Variants in OLR1 observed in about 807,000 individuals in gnomAD.
OLR1 encodes the protein oxidized low density lipoprotein receptor 1.
In OLR1, 23 loss-of-function variants were observed where a neutral mutation model predicts 31.7. The observed-to-expected ratio is 0.72, with a 90% confidence interval of 0.52 to 1.03. The LOEUF is 1.03. OLR1 is among the 50% of genes least tolerant of loss of function. The pLI is 0.00. For missense variants in OLR1, 286 were observed against 315.7 expected, an observed-to-expected ratio of 0.91 and a Z score of 0.71; for synonymous variants, 117 against 115.8, an observed-to-expected ratio of 1.01 and a Z score of -0.07.
upstream of OLR1, chr12:10,172,157 G>A (rs1948727698): frequency 5.5e-6 from 5 of 911,196 alleles, no homozygotes; most frequent in South Asian, 6.7e-5. Context: ...TTCTGCAGAA[G>A]TATTTAAATA....
upstream of OLR1, among the ~76,000 whole-genome samples, chr12:10,175,996 C>T (rs1948762881): frequency 6.6e-6 from 1 of 152,224 alleles, no homozygotes; most frequent in Admixed American, 6.5e-5. Context: ...TATGTACATG[C>T]ACCCTCTACT....
At chr12:10,169,215 G>A in intron 1 of OLR1, 40 bp from the exon 2 acceptor site, 1 of 1,462,538 alleles carries the variant, frequency 6.8e-7, no homozygotes, top group Non-Finnish European at 9.5e-7. Context: ...ACAAAAAAGA[G>A]TGAACAAGTA....
chr12:10,160,198 A>T (rs1395218020), intron 5 of OLR1, 149 bp downstream of exon 5: 3 of 885,188 alleles, frequency 3.4e-6, no homozygotes, highest in African/African-American at 1.7e-5. Flanking sequence ...TTTGTGAAAG[A>T]GGTAAGGAAG....
intron 5 of OLR1, 31 bp downstream of exon 5, chr12:10,160,316 A>T: frequency 2.6e-6 from 4 of 1,530,220 alleles, no homozygotes; most frequent in Non-Finnish European, 3.6e-6. Flanking sequence ...GAAACTGACG[A>T]GAGAGGCATC....
At chr12:10,170,497 T>TTG (rs1591984294) in intron 1 of OLR1, 1 of 149,282 alleles carries the variant, frequency 6.7e-6, no homozygotes, top group African/African-American at 2.5e-5. Context: ...TGCTCTTTTT[T>TTG]TTTTTTTTTT....
rs184505160 is a variant in OLR1 at position 10,163,913 on chromosome 12, A to C, written c.424+2799T>G. On this transcript the variant is annotated intron_variant, in intron 3 of 5. Transcript: ENST00000309539. ...ACCACTGCACTCTAGCCTGGGTGAC[A>C]GAGCGAGACTCCGTCTCAAAAAAAA... is the stretch of plus-strand genomic sequence containing the variant. Among the ~76,000 whole-genome samples, 218 of 152,226 alleles carry C rather than the reference A, an allele frequency of 1.4e-3. 2 individuals carry two copies. The highest frequency in any genetic ancestry group is 4.8e-3 in the African/African-American group (201 of 41,556).
At chr12:10,170,033 C>T (rs1948697655) in intron 1 of OLR1, among the ~76,000 whole-genome samples, 1 of 152,136 alleles carries the variant, frequency 6.6e-6, no homozygotes, top group Non-Finnish European at 1.5e-5. Context: ...CTATCATTAT[C>T]CTCTGTATGC....
intron 3 of OLR1, among the ~76,000 whole-genome samples, chr12:10,164,045 C>G (rs1234195847): frequency 6.6e-6 from 1 of 152,234 alleles, no homozygotes; most frequent in Non-Finnish European, 1.5e-5. Flanking sequence ...TATCTGCCAG[C>G]ATCAGACATA....
intron 4 of OLR1, 107 bp downstream of exon 4, chr12:10,160,679 A>C: frequency 2.8e-6 from 4 of 1,427,968 alleles, no homozygotes; most frequent in Non-Finnish European, 3.9e-6. Flanking sequence ...AGCTAAAAAA[A>C]CAGACATTTT....
At chr12:10,173,678 G>A (rs1047767749), upstream of OLR1, among the ~76,000 whole-genome samples, 2 of 151,218 alleles carry the variant, frequency 1.3e-5, no homozygotes, top group East Asian at 3.9e-4. Context: ...TATTTGGGAG[G>A]TGGAAAATGA....
At chr12:10,161,706 C>A (rs1408755161) in intron 3 of OLR1, among the ~76,000 whole-genome samples, 1 of 151,940 alleles carries the variant, frequency 6.6e-6, no homozygotes, top group Admixed American at 6.6e-5. Flanking sequence ...CCACACCCGG[C>A]TAGTTTGCAT....
Position 10,160,791 on chromosome 12 carries a change from C to T in OLR1, c.559G>A (p.Asp187Asn). ...AAATATCCATGAACACTCACCAGAT[C>T]AGCTGTGCTATTAATTTTCAGCAAC... ...AKLLKINSTADLDFIQQAISY... is the reference protein window; with the variant it reads ...AKLLKINSTANLDFIQQAISY... Residue 187 changes from aspartate (D) to asparagine (N), a missense_variant, in exon 4 of 6, where the codon GAT becomes AAT. Coordinates refer to ENST00000309539, the MANE Select transcript of OLR1 (RefSeq NM_002543.4). The T allele has an allele frequency of 1.2e-6, 2 of 1,614,098 alleles. No homozygotes were observed. Among genetic ancestry groups the T allele is most frequent in the Non-Finnish European group, 1.7e-6 (2 of 1,179,940 alleles).
chr12:10,165,640 C>A (rs959718377), intron 3 of OLR1, among the ~76,000 whole-genome samples: 1 of 150,080 alleles, frequency 6.7e-6, no homozygotes, highest in Non-Finnish European at 1.5e-5. Context: ...AGAAAAATGT[C>A]AAAACTGCTA....
Position 10,171,969 on chromosome 12 carries a change from C to T in OLR1, c.76+33G>A, listed in dbSNP as rs1948724418. ...ACATTTTGGGGCTAACACTGGGATT[C>T]TTTCCCTGTACACATTTTCCCATCC... On this transcript the variant is annotated intron_variant, in intron 1 of 5. Transcript: ENST00000309539. 2.0e-6 allele frequency: 3 copies of T among 1,520,418 alleles called. No homozygotes were observed. The African/African-American group carries it at 4.1e-5, about 21-fold the overall frequency. 94.2% of individuals were successfully genotyped at this position (1,520,418 alleles called of 1,614,324 possible).
At chr12:10,165,916 A>T (rs983914654) in intron 3 of OLR1, among the ~76,000 whole-genome samples, 8 of 152,198 alleles carry the variant, frequency 5.3e-5, no homozygotes, top group Non-Finnish European at 1.2e-4. Context: ...CTGATTAAAA[A>T]TTTAGAACTT....
At chr12:10,169,003 A>C in intron 2 of OLR1, 71 bp downstream of exon 2, 1 of 1,048,070 alleles carries the variant, frequency 9.5e-7, no homozygotes, top group Non-Finnish European at 1.4e-6. Flanking sequence ...GAAACTTATA[A>C]ACCATATTTA....
intron 3 of OLR1, among the ~76,000 whole-genome samples, chr12:10,164,290 C>T (rs1177987962): frequency 6.6e-6 from 1 of 152,148 alleles, no homozygotes; most frequent in Non-Finnish European, 1.5e-5. Context: ...TATTCATTTC[C>T]TTGCAAGCTC....
intron 4 of OLR1, 143 bp from the exon 5 acceptor site, chr12:10,160,605 G>A (rs778909891): frequency 1.2e-4 from 120 of 968,262 alleles, no homozygotes; most frequent in Admixed American, 2.8e-4. Context: ...AACACTTACT[G>A]AAGGCTAGAG....
intron 3 of OLR1, among the ~76,000 whole-genome samples, chr12:10,165,917 T>C (rs911028180): frequency 2.6e-5 from 4 of 152,106 alleles, no homozygotes; most frequent in African/African-American, 9.7e-5. Flanking sequence ...TGATTAAAAA[T>C]TTAGAACTTC....
Sources: allele counts gnomAD v4.1 joint callset (sites outside exome capture counted in the v4.1 genomes callset), GRCh38; gene constraint gnomAD v4.1.1; transcripts MANE v1.5; gene names NCBI Gene and HGNC (gene_info 2026-07-23, HGNC 2026-07-21).